The following ACACA variants were observed in gnomAD, a reference collection of about 807,000 sequenced individuals.
ACACA encodes the protein acetyl-CoA carboxylase 1.
Under a neutral mutation model 296.1 loss-of-function variants are expected in ACACA, and 103 were observed. That is an observed-to-expected ratio of 0.35 (90% CI 0.30 to 0.41). The LOEUF (loss-of-function observed/expected upper bound fraction) is 0.41, where lower values mean the gene tolerates loss of function less well. Ranked by LOEUF, ACACA falls within the 10% of genes least tolerant of loss-of-function variation. The pLI, the probability that ACACA is intolerant of heterozygous loss-of-function variation, is 1.00. For synonymous variants in ACACA, 953 were observed against 1,038.6 expected (o/e 0.92, Z 1.58); for missense variants, 1,554 against 2,989.7 (o/e 0.52, Z 11.20).
chr17:37,229,464 C>A (rs778588778), intron 25 of ACACA, among the ~76,000 whole-genome samples: 3 of 151,528 alleles, frequency 2.0e-5, no homozygotes, highest in African/African-American at 7.3e-5. Flanking sequence ...CCACCATGCC[C>A]GGCTAATTTT....
At chr17:37,272,113 G>A (rs1391970405) in intron 9 of ACACA, among the ~76,000 whole-genome samples, 2 of 152,160 alleles carry the variant, frequency 1.3e-5, no homozygotes, top group Non-Finnish European at 2.9e-5. Context: ...GGAGGCCAAA[G>A]TGGGTGGATC....
intron 52 of ACACA, among the ~76,000 whole-genome samples, chr17:37,098,379 A>G (rs1369196668): frequency 6.6e-6 from 1 of 152,248 alleles, no homozygotes; most frequent in Non-Finnish European, 1.5e-5. Flanking sequence ...GCTGACCAGC[A>G]TCAAAGCAGC....
At chr17:37,123,408 T>A (rs953231480) in intron 48 of ACACA, among the ~76,000 whole-genome samples, 1 of 152,180 alleles carries the variant, frequency 6.6e-6, no homozygotes, top group East Asian at 1.9e-4. Flanking sequence ...GACTTCCCAA[T>A]TTGGTCCTCA....
chr17:37,208,172 G>A (rs1287554754), intron 30 of ACACA, among the ~76,000 whole-genome samples: 3 of 152,084 alleles, frequency 2.0e-5, no homozygotes, highest in Non-Finnish European at 4.4e-5. Context: ...TCCTTTAAAA[G>A]GAAGTAAGCA....
intron 1 of ACACA, chr17:37,385,944 A>G (rs2050506913): frequency 9.2e-7 from 1 of 1,088,060 alleles, no homozygotes; most frequent in East Asian, 2.6e-5. Flanking sequence ...GGGTTTCATC[A>G]GATAAAACCA....
intron 2 of ACACA, among the ~76,000 whole-genome samples, chr17:37,338,030 G>C (rs2147298837): frequency 6.6e-6 from 1 of 152,036 alleles, no homozygotes; most frequent in Non-Finnish European, 1.5e-5. Flanking sequence ...CCAGGGGGCG[G>C]AGCTTGCAGT....
intron 1 of ACACA, among the ~76,000 whole-genome samples, chr17:37,353,328 A>T (rs2048988463): frequency 6.6e-6 from 1 of 152,106 alleles, no homozygotes; most frequent in Non-Finnish European, 1.5e-5. Context: ...CTAAGAACAG[A>T]TTTGAAAAAT....
Position 37,221,771 on chromosome 17 carries a change from G to A in ACACA, c.3636C>T (p.Thr1212=), listed in dbSNP as rs369360633. 5 of 1,614,066 alleles carry A rather than the reference G, an allele frequency of 3.1e-6. No individual in the cohort carries two copies. The highest frequency in any genetic ancestry group is 4.2e-6 in the Non-Finnish European group (5 of 1,180,016). ...GCATGAACTGGAATTCCACCACACA[G>A]GTGTTGTCCTTAAGCTGGCGGTGTT... The part of the protein sequence containing the change: ...SVQHRQLKDN[T]CVVEFQFMLP... The change falls in exon 29 of 56, where the codon ACC becomes ACT. Residue 1212 remains threonine (T), a synonymous_variant. Coordinates refer to ENST00000616317, the MANE Select transcript of ACACA (RefSeq NM_198834.3).
intron 2 of ACACA, among the ~76,000 whole-genome samples, chr17:37,336,177 C>T (rs551737266): frequency 1.3e-5 from 2 of 152,072 alleles, no homozygotes; most frequent in African/African-American, 2.4e-5. Flanking sequence ...AAATCTACCA[C>T]GGACCCCTGG....
intron 48 of ACACA, among the ~76,000 whole-genome samples, chr17:37,123,730 C>G (rs1262285232): frequency 1.3e-5 from 2 of 152,186 alleles, no homozygotes; most frequent in East Asian, 3.8e-4. Context: ...TCTAGACAAC[C>G]AGACAACGAG....
rs977697082 is a variant in ACACA, at chr17:37,192,283, C to T, written c.4223G>A (p.Arg1408His). The T allele has an allele frequency of 1.2e-6, 2 of 1,613,884 alleles. No individual in the cohort carries two copies. The highest frequency in any genetic ancestry group is 1.7e-6 in the Non-Finnish European group (2 of 1,179,988). ...RDKFEEDRIY[R>H]HLEPALAFQL... The stretch of plus-strand genomic sequence containing the variant: ...GAAAGCCAGAGCAGGCTCCAGATGA[C>T]GATAGATACGATCCTCCTCAAACTG... Residue 1408 changes from arginine to histidine, a missense_variant, in exon 37 of 56, where the codon CGT becomes CAT. Coordinates refer to ENST00000616317, the MANE Select transcript of ACACA (RefSeq NM_198834.3).
intron 14 of ACACA, among the ~76,000 whole-genome samples, chr17:37,256,024 G>T (rs1229606027): frequency 6.6e-6 from 1 of 152,142 alleles, no homozygotes; most frequent in Admixed American, 6.5e-5. Flanking sequence ...TGTGATTACA[G>T]GTGTGAGCCA....
intron 35 of ACACA, 121 bp from the exon 36 acceptor site, chr17:37,193,536 C>T (rs2077852960): frequency 2.7e-6 from 2 of 739,884 alleles, no homozygotes; most frequent in Non-Finnish European, 4.7e-6. Flanking sequence ...TGCTTCTTAC[C>T]TAAGCTTAGT....
chr17:37,324,169 C>T (rs2047479884), intron 3 of ACACA, among the ~76,000 whole-genome samples: 1 of 152,176 alleles, frequency 6.6e-6, no homozygotes, highest in African/African-American at 2.4e-5. Flanking sequence ...GAATTCAAGA[C>T]CAGCCTGACC....
chr17:37,277,479 T>A (rs1213366105), intron 6 of ACACA, among the ~76,000 whole-genome samples: 1 of 152,258 alleles, frequency 6.6e-6, no homozygotes, highest in Non-Finnish European at 1.5e-5. Context: ...CATTATTGAT[T>A]ACACTGCCAT....
At chr17:37,361,040 C>CT (rs11442383) in intron 1 of ACACA, among the ~76,000 whole-genome samples, 14,001 of 137,090 alleles carry the variant, frequency 0.1, 1,710 homozygotes, top group African/African-American at 0.29. Flanking sequence ...CCCCAGGATT[C>CT]TTTTTTTTTT....
chr17:37,116,920 C>G (rs1040675852), intron 50 of ACACA, among the ~76,000 whole-genome samples: 2 of 152,134 alleles, frequency 1.3e-5, no homozygotes, highest in Non-Finnish European at 2.9e-5. Flanking sequence ...ATTCTCAGGC[C>G]CTGAGAAACG....
At chr17:37,401,520 G>A (rs2051289985) in intron 1 of ACACA, among the ~76,000 whole-genome samples, 2 of 150,600 alleles carry the variant, frequency 1.3e-5, no homozygotes, top group African/African-American at 4.9e-5. Flanking sequence ...TGATGTAGGG[G>A]TCGTGAATAT....
At chr17:37,105,877 A>G (rs933860709) in intron 52 of ACACA, among the ~76,000 whole-genome samples, 43 of 151,352 alleles carry the variant, frequency 2.8e-4, no homozygotes, top group South Asian at 6.3e-4. Flanking sequence ...AAAAAAAAAA[A>G]AAAGAAAGAA....
Sources: allele counts gnomAD v4.1 joint callset (sites outside exome capture counted in the v4.1 genomes callset), GRCh38; gene constraint gnomAD v4.1.1; transcripts MANE v1.5; gene names NCBI Gene and HGNC (gene_info 2026-07-23, HGNC 2026-07-21).